MICU1: variants seen among roughly 807,000 people sequenced by gnomAD.
MICU1 encodes the protein calcium uptake protein 1, mitochondrial.
A neutral mutation model predicts 56.8 loss-of-function variants in MICU1; 45 were observed. That is an observed-to-expected ratio of 0.79 (90% CI 0.62 to 1.02). The LOEUF (loss-of-function observed/expected upper bound fraction) is 1.02, where lower values mean the gene tolerates loss of function less well. MICU1 is among the 50% of genes least tolerant of loss of function. The pLI, the probability that MICU1 is intolerant of heterozygous loss-of-function variation, is 0.00. For synonymous variants in MICU1, 186 were observed against 195.1 expected, an observed-to-expected ratio of 0.95 and a Z score of 0.39; for missense variants, 504 against 587.1, an observed-to-expected ratio of 0.86 and a Z score of 1.46.
chr10:72,478,050 G>C (rs1866178303), intron 6 of MICU1, among the ~76,000 whole-genome samples: 1 of 151,776 alleles, frequency 6.6e-6, no homozygotes, highest in Admixed American at 6.6e-5. Context: ...TGTATTTTTA[G>C]CAGAGACGGG....
intron 11 of MICU1, among the ~76,000 whole-genome samples, chr10:72,375,510 TTCCA>T (rs1329412754): frequency 9.2e-5 from 14 of 152,232 alleles, no homozygotes; most frequent in Non-Finnish European, 1.9e-4. Flanking sequence ...ACATTTTTGT[TTCCA>T]TTTTTAAGAT....
chr10:72,384,664 G>A (rs938285755), intron 10 of MICU1, among the ~76,000 whole-genome samples: 1 of 152,224 alleles, frequency 6.6e-6, no homozygotes, highest in Admixed American at 6.5e-5. Flanking sequence ...GAATTGCTAA[G>A]TGACTTTAAA....
chr10:72,591,622 T>C (rs1589372648), intron 1 of MICU1, among the ~76,000 whole-genome samples: 1 of 152,150 alleles, frequency 6.6e-6, no homozygotes, highest in Admixed American at 6.5e-5. Context: ...TTGGGAAACC[T>C]AGATAAGATG....
chr10:72,417,318 G>A (rs905812914), intron 9 of MICU1, among the ~76,000 whole-genome samples: 3 of 152,048 alleles, frequency 2.0e-5, no homozygotes, highest in African/African-American at 7.2e-5. Context: ...GCCAGGCGTG[G>A]CAGTGGGCAC....
At chr10:72,478,958 G>C (rs1005362961) in intron 6 of MICU1, among the ~76,000 whole-genome samples, 8 of 152,300 alleles carry the variant, frequency 5.3e-5, no homozygotes, top group African/African-American at 1.4e-4. Context: ...GAAGGATGCA[G>C]CTGGGGGAAT....
At chr10:72,405,813 C>A (rs1863611124) in intron 10 of MICU1, among the ~76,000 whole-genome samples, 2 of 151,718 alleles carry the variant, frequency 1.3e-5, no homozygotes, top group Non-Finnish European at 2.9e-5. Flanking sequence ...TGACAAAAAC[C>A]CTTTTCAAAT....
chr10:72,517,517 C>G (rs1297339590), intron 5 of MICU1, among the ~76,000 whole-genome samples: 2 of 152,080 alleles, frequency 1.3e-5, no homozygotes, highest in Non-Finnish European at 2.9e-5. Context: ...CGAAGTAACT[C>G]AAGAATGGAA....
chr10:72,568,899 CACG>C (rs980305635), intron 1 of MICU1, among the ~76,000 whole-genome samples: 5 of 150,918 alleles, frequency 3.3e-5, no homozygotes, highest in African/African-American at 9.7e-5. Context: ...ATTACAGGCA[CACG>C]ACAACCACAC....
intron 8 of MICU1, among the ~76,000 whole-genome samples, chr10:72,467,145 T>C (rs2132251196): frequency 6.6e-6 from 1 of 151,776 alleles, no homozygotes. Context: ...ATTACAGGAG[T>C]ATGCCACCAC....
intron 11 of MICU1, among the ~76,000 whole-genome samples, chr10:72,373,632 T>G (rs1420105383): frequency 6.6e-6 from 1 of 152,174 alleles, no homozygotes; most frequent in Non-Finnish European, 1.5e-5. Context: ...AACCTCTTTC[T>G]AAAAAGCTAG....
At chr10:72,500,303 T>TATA (rs1388516520) in intron 6 of MICU1, among the ~76,000 whole-genome samples, 8 of 4,760 alleles carry the variant, frequency 1.7e-3, no homozygotes, top group Admixed American at 6.0e-3. Context: ...TATATATATA[T>TATA]TTTTTTTTTT....
intron 5 of MICU1, among the ~76,000 whole-genome samples, chr10:72,517,269 TG>T (rs1867675484): frequency 6.6e-6 from 1 of 152,190 alleles, no homozygotes; most frequent in Non-Finnish European, 1.5e-5. Context: ...ATCCCACTAC[TG>T]GGTATTTACT....
intron 1 of MICU1, among the ~76,000 whole-genome samples, chr10:72,605,198 T>G (rs960971210): frequency 2.6e-5 from 4 of 152,124 alleles, no homozygotes; most frequent in African/African-American, 7.2e-5. Flanking sequence ...TATTATACAC[T>G]AATTATAACG....
At chr10:72,370,748 A>G (rs975110179) in intron 11 of MICU1, among the ~76,000 whole-genome samples, 2 of 152,068 alleles carry the variant, frequency 1.3e-5, no homozygotes, top group Non-Finnish European at 2.9e-5. Context: ...TTTGTACTTT[A>G]GGCTGGGCAC....
intron 9 of MICU1, among the ~76,000 whole-genome samples, chr10:72,421,002 C>CAAAAA (rs34221911): frequency 5.3e-4 from 57 of 108,538 alleles, no homozygotes; most frequent in African/African-American, 1.4e-3. Context: ...AACTCCGTCT[C>CAAAAA]AAAAAAAAAA....
At chr10:72,438,785 A>C (rs1330176211) in intron 8 of MICU1, among the ~76,000 whole-genome samples, 1 of 152,196 alleles carries the variant, frequency 6.6e-6, no homozygotes, top group Non-Finnish European at 1.5e-5. Flanking sequence ...TACACAAATA[A>C]ACTAGAAAAT....
intron 3 of MICU1, among the ~76,000 whole-genome samples, chr10:72,555,898 G>A (rs1281720656): frequency 1.3e-5 from 2 of 152,176 alleles, no homozygotes; most frequent in Non-Finnish European, 2.9e-5. Flanking sequence ...TTTTCCCTTG[G>A]TCCTGATACC....
chr10:72,601,419 C>CCCT, intron 1 of MICU1, among the ~76,000 whole-genome samples: 1 of 132,030 alleles, frequency 7.6e-6, no homozygotes, highest in South Asian at 2.3e-4. Flanking sequence ...GCAAATGAGA[C>CCCT]CCTGTCTTTA....
At position 72,595,990 on chromosome 10, in the gene MICU1, T is replaced by C. The variant is rs997422983; in HGVS notation, c.-1-29196A>G. On this transcript the variant is annotated intron_variant, in intron 1 of 11. Coordinates refer to ENST00000361114, the MANE Select transcript of MICU1 (RefSeq NM_001195518.2). ...CACAATAAAAAAATTTTTTTCTTTT[T>C]TTTTTTTTTTTTTGAGACAGAGTCT... Among the ~76,000 whole-genome samples the C allele has an allele frequency of 6.4e-4, 95 of 149,464 alleles. 1 individual carries two copies. Among genetic ancestry groups the C allele is most frequent in the African/African-American group, 2.2e-3 (90 of 41,052 alleles).
Sources: gnomAD v4.1 joint callset for allele counts (sites outside exome capture counted in the v4.1 genomes callset) on GRCh38, gnomAD v4.1.1 for gene constraint, MANE v1.5 for transcripts, NCBI Gene and HGNC (gene_info 2026-07-23, HGNC 2026-07-21) for gene names.